Variants in AREL1 observed in about 807,000 individuals in gnomAD.
AREL1 encodes the protein apoptosis-resistant E3 ubiquitin protein ligase 1.
AREL1 carries 62 observed loss-of-function variants against 99.0 expected under a neutral mutation model. The observed-to-expected ratio is 0.63, with a 90% CI of 0.51 to 0.77. AREL1 has a LOEUF of 0.77. AREL1 is among the 30% of genes least tolerant of loss of function. AREL1 has a pLI of 0.00. For missense variants in AREL1, 879 were observed against 1,027.6 expected, an observed-to-expected ratio of 0.86 and a Z score of 1.98; for synonymous variants, 380 against 376.5, an observed-to-expected ratio of 1.01 and a Z score of -0.11.
rs567733496 is a variant in AREL1, at chr14:74,666,225, C to T, written c.2103+1094G>A. Among the ~76,000 whole-genome samples, 4 of 152,316 alleles carry T rather than the reference C, an allele frequency of 2.6e-5. No individual in the cohort carries two copies. The South Asian group carries it at 8.3e-4, about 32-fold the overall frequency. The stretch of plus-strand genomic sequence containing the variant: ...TTCCCCCATTTTAAAAGAAAACCTT[C>T]CTCCCTAAAGAAACGTTTGCAGAAA... On this transcript the variant is annotated intron_variant, in intron 17 of 19. Coordinates refer to ENST00000356357, the MANE Select transcript of AREL1 (RefSeq NM_001039479.2).
Position 74,663,340 on chromosome 14 carries a change from G to A in AREL1, c.*380C>T. ...AAGAGGGTGTCTCCAAGGAGTATCA[G>A]CAGAGGGAGTTTTGGAGCACAGTGT... On this transcript the variant is annotated 3_prime_UTR_variant, in exon 20 of 20. Transcript: ENST00000356357. The A allele has an allele frequency of 3.4e-6, 1 of 291,988 alleles. No individual in the cohort carries two copies. The highest frequency in any genetic ancestry group is 4.1e-5 in the Admixed American group (1 of 24,338). The allele number at this position is 291,988 out of a possible 1,614,324, so 18.1% of individuals were successfully genotyped here.
intron 1 of AREL1, among the ~76,000 whole-genome samples, chr14:74,695,488 C>A (rs2089966462): frequency 6.6e-6 from 1 of 151,948 alleles, no homozygotes; most frequent in African/African-American, 2.4e-5. Context: ...CTTTACTATC[C>A]CTACCGTGAG....
At chr14:74,708,578 G>A (rs751056919) in intron 1 of AREL1, among the ~76,000 whole-genome samples, 13 of 152,080 alleles carry the variant, frequency 8.5e-5, no homozygotes, top group Non-Finnish European at 1.5e-4. Flanking sequence ...TAAAAGCAAG[G>A]GGACATTACA....
At chr14:74,707,517 CG>C (rs1181403643) in intron 1 of AREL1, among the ~76,000 whole-genome samples, 1 of 151,878 alleles carries the variant, frequency 6.6e-6, no homozygotes, top group Non-Finnish European at 1.5e-5. Context: ...AAAAAATGGC[CG>C]GGCACAGTGG....
At chr14:74,685,742 G>T in intron 2 of AREL1, 82 bp from the exon 3 acceptor site, 1 of 1,265,018 alleles carries the variant, frequency 7.9e-7, no homozygotes, top group Admixed American at 2.1e-5. Flanking sequence ...AGAGTGTATG[G>T]CGTGAGCCAA....
chr14:74,678,695 CA>C (rs71119311), intron 5 of AREL1, among the ~76,000 whole-genome samples: 42,704 of 95,456 alleles, frequency 0.45, 6,745 homozygotes, highest in Middle Eastern at 0.51. Context: ...CATGTATAAG[CA>C]AAAAAAAAAA....
intron 14 of AREL1, 62 bp from the exon 15 acceptor site, chr14:74,669,836 C>G: frequency 6.3e-7 from 1 of 1,599,066 alleles, no homozygotes; most frequent in Non-Finnish European, 8.5e-7. Context: ...GGTGTAACTG[C>G]TTAGAACCAC....
intron 8 of AREL1, 38 bp downstream of exon 8, chr14:74,675,661 A>G (rs761164346): frequency 6.2e-7 from 1 of 1,601,238 alleles, no homozygotes; most frequent in Admixed American, 1.7e-5. Flanking sequence ...ACACAGGTTC[A>G]AGCAGGGGGA....
In AREL1 at chr14:74,669,749, A is replaced by C; in HGVS notation, c.1814T>G (p.Phe605Cys). 1 of 1,614,202 alleles carries C rather than the reference A, an allele frequency of 6.2e-7. No homozygotes were observed. Among genetic ancestry groups the C allele is most frequent in the Non-Finnish European group, 8.5e-7 (1 of 1,180,016 alleles). The change falls in exon 15 of 20, where the codon TTC becomes TGC. Residue 605 changes from phenylalanine (F) to cysteine (C), a missense_variant. By Grantham distance (205) the Phe-to-Cys change is radical. Coordinates refer to ENST00000356357, the MANE Select transcript of AREL1 (RefSeq NM_001039479.2). ...GATAAAACAAACTTTAGATTTGTAG[A>C]ATTCTGGGTCATCTGTTTCAAAGTA... is the stretch of plus-strand genomic sequence containing the variant. ...YKYFETDDPEFYKSKVCFILN... is the reference protein window; with the variant it reads ...YKYFETDDPECYKSKVCFILN...
chr14:74,667,930 T>C (rs572640482), intron 15 of AREL1, among the ~76,000 whole-genome samples: 8 of 152,384 alleles, frequency 5.2e-5, no homozygotes, highest in African/African-American at 1.9e-4. Context: ...GAAACCACTA[T>C]TGACCTCTTC....
At chr14:74,694,990 G>GAAAAAAAA (rs548884827) in intron 1 of AREL1, among the ~76,000 whole-genome samples, 1 of 82,816 alleles carries the variant, frequency 1.2e-5, no homozygotes, top group Non-Finnish European at 2.3e-5. Context: ...CTCTGTCTCG[G>GAAAAAAAA]AAAAAAAAAA....
intron 1 of AREL1, among the ~76,000 whole-genome samples, chr14:74,703,985 C>T (rs1464408826): frequency 6.6e-6 from 1 of 152,180 alleles, no homozygotes; most frequent in Non-Finnish European, 1.5e-5. Context: ...GCTCTATATC[C>T]ACCAACACTT....
In AREL1 at chr14:74,672,736, C is replaced by G. The variant is rs1310001263; in HGVS notation, c.1422+95G>C. The stretch of plus-strand genomic sequence containing the variant: ...GGCAATAGAGTGAGACCCTATCTCC[C>G]AAACAAAAACAAAAACAAAAACAGT... On this transcript the variant is annotated intron_variant, in intron 11 of 19. Coordinates refer to ENST00000356357, the MANE Select transcript of AREL1 (RefSeq NM_001039479.2). 5 of 1,550,968 alleles carry G rather than the reference C, an allele frequency of 3.2e-6. No homozygotes were observed. In the East Asian group the frequency reaches 9.0e-5, roughly 28 times the overall value.
chr14:74,712,496 A>T lies in AREL1; in HGVS notation c.-334+437T>A, dbSNP rs2090331378. Among the ~76,000 whole-genome samples the T allele has an allele frequency of 2.6e-5, 4 of 152,300 alleles. No homozygotes were observed. In the South Asian group the frequency reaches 8.3e-4, roughly 32 times the overall value. On this transcript the variant is annotated intron_variant, in intron 1 of 19. Coordinates refer to ENST00000356357, the MANE Select transcript of AREL1 (RefSeq NM_001039479.2). Reference sequence around the variant, plus strand: ...TACCTTTCGCTCCTTGTTCTCACAAATTCTCCCTTTTTACTTAAAGATGAC... The same window carrying T: ...TACCTTTCGCTCCTTGTTCTCACAATTTCTCCCTTTTTACTTAAAGATGAC...
chr14:74,664,752 C>T, intron 18 of AREL1, 84 bp downstream of exon 18: 2 of 1,202,422 alleles, frequency 1.7e-6, no homozygotes, highest in Non-Finnish European at 2.4e-6. Context: ...AGCCACTGCG[C>T]CCGGCCTCCT....
chr14:74,666,682 A>G (rs905679234), intron 17 of AREL1, among the ~76,000 whole-genome samples: 1 of 150,414 alleles, frequency 6.6e-6, no homozygotes, highest in East Asian at 1.9e-4. Flanking sequence ...GATTTTATAG[A>G]CGGTACATGA....
In AREL1 at chr14:74,663,771, C is replaced by T; in HGVS notation, c.2421G>A (p.Arg807=). The stretch of plus-strand genomic sequence containing the variant: ...CCTCGCTGATGGCCAGCTGCAGCAT[C>T]CTGTGCACCTCTTCATAGGAGTCAT... ...PTYDSYEEVH[R]MLQLAISEGC... is the part of the protein sequence containing the mutation. The change falls in exon 20 of 20, where the codon AGG becomes AGA. Residue 807 remains arginine (R), a synonymous_variant. Transcript: ENST00000356357. 1 of 1,614,152 alleles carries T rather than the reference C, an allele frequency of 6.2e-7. No individual in the cohort carries two copies. Among genetic ancestry groups the T allele is most frequent in the Non-Finnish European group, 8.5e-7 (1 of 1,180,028 alleles).
At chr14:74,671,373 G>C in intron 12 of AREL1, 35 bp downstream of exon 12, 1 of 590,076 alleles carries the variant, frequency 1.7e-6, no homozygotes, top group South Asian at 1.8e-5. Flanking sequence ...GGGGAGGAGA[G>C]TTCAAAAAGA....
chr14:74,675,234 C>T (rs1001240794), intron 8 of AREL1, among the ~76,000 whole-genome samples: 2 of 152,122 alleles, frequency 1.3e-5, no homozygotes, highest in Admixed American at 6.5e-5. Flanking sequence ...GCAAAGTGTT[C>T]TGAAGTAGAA....
Sources: allele counts gnomAD v4.1 joint callset (sites outside exome capture counted in the v4.1 genomes callset), GRCh38; gene constraint gnomAD v4.1.1; transcripts MANE v1.5; gene names NCBI Gene and HGNC (gene_info 2026-07-23, HGNC 2026-07-21).